Variants in DPH6 observed in about 807,000 individuals in gnomAD.
DPH6 encodes the protein diphthamine biosynthesis 6.
A neutral mutation model predicts 38.2 loss-of-function variants in DPH6; 33 were observed. The observed-to-expected ratio is 0.86, with a 90% CI of 0.65 to 1.15. The LOEUF (loss-of-function observed/expected upper bound fraction) is 1.15, where lower values mean the gene tolerates loss of function less well. Among genes scored for constraint, DPH6 ranks in the 50% most tolerant of loss-of-function variants. The pLI is 0.00. For synonymous variants in DPH6, 108 were observed against 103.0 expected (o/e 1.05, Z -0.30); for missense variants, 325 against 320.0 (o/e 1.02, Z -0.12).
chr15:35,528,593 T>C (rs989832884), intron 3 of DPH6, among the ~76,000 whole-genome samples: 1 of 152,108 alleles, frequency 6.6e-6, no homozygotes, highest in African/African-American at 2.4e-5. Flanking sequence ...AGTATCTTAG[T>C]TTTTAATTTG....
chr15:35,299,000 A>C, intron 3 of DPH6: 1 of 743,972 alleles, frequency 1.3e-6, no homozygotes. Flanking sequence ...CCGGATCTGA[A>C]CTCCTTGAAA....
chr15:35,413,871 A>T (rs2053402534), intron 5 of DPH6, among the ~76,000 whole-genome samples: 1 of 151,218 alleles, frequency 6.6e-6, no homozygotes, highest in Non-Finnish European at 1.5e-5. Flanking sequence ...AATTATTTTA[A>T]TGTTTTACTC....
At chr15:35,467,367 C>A (rs898509870) in intron 3 of DPH6, among the ~76,000 whole-genome samples, 11 of 152,120 alleles carry the variant, frequency 7.2e-5, no homozygotes, top group African/African-American at 2.4e-4. Context: ...GAGTTTGAGA[C>A]CAGCCTGGCC....
chr15:35,493,066 A>T (rs759920247), intron 3 of DPH6, among the ~76,000 whole-genome samples: 1 of 152,164 alleles, frequency 6.6e-6, no homozygotes, highest in Non-Finnish European at 1.5e-5. Context: ...ACTACCTTTA[A>T]ACTATTTGTC....
intron 6 of DPH6, among the ~76,000 whole-genome samples, chr15:35,396,966 T>C (rs1300858449): frequency 6.6e-6 from 1 of 152,228 alleles, no homozygotes; most frequent in Non-Finnish European, 1.5e-5. Flanking sequence ...AGTTGTGCTT[T>C]TGTCAAACCT....
At chr15:35,353,438 T>C (rs1410911205) in intron 3 of DPH6, among the ~76,000 whole-genome samples, 1 of 152,206 alleles carries the variant, frequency 6.6e-6, no homozygotes. Context: ...CTTTAATCCA[T>C]CTTGAATTAA....
Position 35,401,805 on chromosome 15 carries a change from G to A in DPH6, c.567+9030C>T, listed in dbSNP as rs942323876. On this transcript the variant is annotated intron_variant, in intron 6 of 8. Coordinates refer to ENST00000256538, the MANE Select transcript of DPH6 (RefSeq NM_080650.4). ...AAACAAAGCTTAACAGGAGAGGAGA[G>A]CCAGAGAAGTTGACAGCGAAACTAC... is the stretch of plus-strand genomic sequence containing the variant. 1.9e-5 allele frequency: 11 copies of A among 578,144 alleles called. No individual in the cohort carries two copies. In the Admixed American group the frequency reaches 2.0e-4, roughly 10 times the overall value. The allele number at this position is 578,144 out of a possible 1,614,324, so 35.8% of individuals were successfully genotyped here. A position where few individuals can be genotyped will look rare whatever the true frequency, so the allele number is the denominator to read the frequency against.
At chr15:35,162,111 C>G in the DPH6 span, among the ~76,000 whole-genome samples, 1 of 151,898 alleles carries the variant, frequency 6.6e-6, no homozygotes, top group Non-Finnish European at 1.5e-5. Flanking sequence ...TCAACTGCTA[C>G]TAATGTAGCC....
intron 3 of DPH6, among the ~76,000 whole-genome samples, chr15:35,345,459 C>T (rs1002524622): frequency 1.3e-5 from 2 of 151,820 alleles, no homozygotes; most frequent in East Asian, 1.9e-4. Context: ...TCATTTTCCA[C>T]CGAAGCATAA....
At chr15:35,161,566 G>C in the DPH6 span, among the ~76,000 whole-genome samples, 2 of 151,976 alleles carry the variant, frequency 1.3e-5, no homozygotes, top group African/African-American at 2.4e-5. Context: ...TCTCCAATGT[G>C]ATGGTATTTG....
At chr15:35,298,371 C>A (rs1308455175) in intron 3 of DPH6, 4 of 688,348 alleles carry the variant, frequency 5.8e-6, no homozygotes, top group Middle Eastern at 4.1e-4. Flanking sequence ...TGATTTAACT[C>A]TCTCAAATTC....
the DPH6 span, among the ~76,000 whole-genome samples, chr15:35,210,056 C>T: frequency 6.6e-6 from 1 of 152,098 alleles, no homozygotes; most frequent in Non-Finnish European, 1.5e-5. Flanking sequence ...TGTGTAGCTT[C>T]CAGGATTTTC....
intron 3 of DPH6, among the ~76,000 whole-genome samples, chr15:35,228,385 T>C (rs2051496674): frequency 6.6e-6 from 1 of 152,222 alleles, no homozygotes; most frequent in Non-Finnish European, 1.5e-5. Context: ...AGTGTTATAA[T>C]ATTCTGTGTT....
chr15:35,287,024 A>G (rs906416829), intron 3 of DPH6, among the ~76,000 whole-genome samples: 3 of 152,192 alleles, frequency 2.0e-5, no homozygotes, highest in African/African-American at 2.4e-5. Flanking sequence ...ACAATAGAAA[A>G]AAGTTGTTAA....
intron 5 of DPH6, among the ~76,000 whole-genome samples, chr15:35,429,493 CTCAT>C (rs10552469): frequency 0.3 from 46,189 of 151,708 alleles, 7,672 homozygotes; most frequent in African/African-American, 0.45. Flanking sequence ...CCTTCAAGTG[CTCAT>C]TCAAATAGCT....
chr15:35,149,847 T>G, the DPH6 span, among the ~76,000 whole-genome samples: 2 of 152,368 alleles, frequency 1.3e-5, no homozygotes, highest in East Asian at 3.9e-4. Flanking sequence ...TAGATTCAAC[T>G]GTTCACAGGC....
At chr15:35,530,574 C>A (rs756032756) in intron 3 of DPH6, among the ~76,000 whole-genome samples, 124 of 151,938 alleles carry the variant, frequency 8.2e-4, no homozygotes, top group Admixed American at 1.6e-3. Flanking sequence ...TGTGCATGTG[C>A]AATATATACA....
At chr15:35,510,051 AC>A (rs1319612467) in intron 3 of DPH6, among the ~76,000 whole-genome samples, 2 of 152,168 alleles carry the variant, frequency 1.3e-5, no homozygotes, top group African/African-American at 4.8e-5. Flanking sequence ...CCCTGTCTCT[AC>A]AAAAAATTAA....
intron 6 of DPH6, among the ~76,000 whole-genome samples, chr15:35,382,252 G>A (rs1037090928): frequency 1.1e-4 from 17 of 151,754 alleles, no homozygotes; most frequent in Admixed American, 3.3e-4. Flanking sequence ...TGGCTAACAT[G>A]GTGAAACACC....
Sources: gnomAD v4.1 joint callset for allele counts (sites outside exome capture counted in the v4.1 genomes callset) on GRCh38, gnomAD v4.1.1 for gene constraint, MANE v1.5 for transcripts, NCBI Gene and HGNC (gene_info 2026-07-23, HGNC 2026-07-21) for gene names.